The following PRELID3A variants were observed in gnomAD, a reference collection of about 807,000 sequenced individuals.
PRELID3A encodes the protein PRELI domain containing 3A, also known as PRELI domain containing protein 3A.
A neutral mutation model predicts 23.0 loss-of-function variants in PRELID3A; 27 were observed. The observed-to-expected ratio is 1.17, with a 90% CI of 0.87 to 1.62. PRELID3A has a LOEUF of 1.62. Ranked by LOEUF, PRELID3A falls within the 40% of genes most tolerant of loss-of-function variation. The pLI, the probability that PRELID3A is intolerant of heterozygous loss-of-function variation, is 0.00. For missense variants in PRELID3A, 231 were observed against 231.4 expected (o/e 1.00, Z 0.01); for synonymous variants, 87 against 86.4 (o/e 1.01, Z -0.04).
At chr18:12,428,482 T>C (rs1033288334) in intron 5 of PRELID3A, among the ~76,000 whole-genome samples, 3 of 152,186 alleles carry the variant, frequency 2.0e-5, no homozygotes, top group African/African-American at 4.8e-5. Flanking sequence ...GTCTTCATTT[T>C]TGAGATCAGT....
At chr18:12,409,172 T>TG (rs1555675955) in intron 1 of PRELID3A, among the ~76,000 whole-genome samples, 2 of 137,712 alleles carry the variant, frequency 1.5e-5, no homozygotes, top group Admixed American at 1.5e-4. Flanking sequence ...TTTTTTTTTT[T>TG]TTTTTTTTTT....
At chr18:12,427,395 T>A (rs1228063594) in intron 5 of PRELID3A, 72 bp downstream of exon 5, 3 of 1,188,078 alleles carry the variant, frequency 2.5e-6, no homozygotes, top group Non-Finnish European at 3.7e-6. Flanking sequence ...TATGACATTT[T>A]TAGTCTCATC....
intron 5 of PRELID3A, among the ~76,000 whole-genome samples, chr18:12,428,956 G>A (rs1469818093): frequency 2.0e-5 from 3 of 152,206 alleles, no homozygotes; most frequent in South Asian, 2.1e-4. Flanking sequence ...ACTAAGGTGG[G>A]GAGAGGTGTT....
intron 3 of PRELID3A, among the ~76,000 whole-genome samples, chr18:12,426,192 T>C (rs571990306): frequency 1.6e-4 from 24 of 151,288 alleles, no homozygotes; most frequent in Non-Finnish European, 2.8e-4. Flanking sequence ...TGAGCCAAGA[T>C]CATGCCCCTG....
At chr18:12,428,548 C>G (rs2030450550) in intron 5 of PRELID3A, among the ~76,000 whole-genome samples, 1 of 152,170 alleles carries the variant, frequency 6.6e-6, no homozygotes, top group Admixed American at 6.6e-5. Flanking sequence ...CTTAACTCTC[C>G]AACTAGTGGA....
intron 3 of PRELID3A, among the ~76,000 whole-genome samples, chr18:12,425,210 T>C (rs1290687181): frequency 6.6e-6 from 1 of 152,176 alleles, no homozygotes; most frequent in East Asian, 1.9e-4. Context: ...ATTTCAGGTG[T>C]GCATTAGCTG....
chr18:12,421,679 G>A, intron 3 of PRELID3A, 50 bp downstream of exon 3: 2 of 1,239,528 alleles, frequency 1.6e-6, no homozygotes, highest in Non-Finnish European at 2.4e-6. Context: ...CTGGGTGGTG[G>A]TGCGTAAGGC....
At chr18:12,426,121 C>A (rs2030353660) in intron 3 of PRELID3A, among the ~76,000 whole-genome samples, 1 of 151,624 alleles carries the variant, frequency 6.6e-6, no homozygotes, top group Non-Finnish European at 1.5e-5. Flanking sequence ...TGCCTGTAAT[C>A]CCAGCTACTC....
intron 1 of PRELID3A, among the ~76,000 whole-genome samples, chr18:12,415,940 C>G (rs2029937151): frequency 6.6e-6 from 1 of 152,194 alleles, no homozygotes. Context: ...AGGCCTCTTG[C>G]CCTTGGGGGA....
At chr18:12,424,968 C>A (rs1033021242) in intron 3 of PRELID3A, among the ~76,000 whole-genome samples, 8 of 152,194 alleles carry the variant, frequency 5.3e-5, no homozygotes, top group Middle Eastern at 3.4e-3. Flanking sequence ...CATGGCAAAA[C>A]CCCATCTCTA....
chr18:12,419,673 C>G (rs976376273), intron 1 of PRELID3A, among the ~76,000 whole-genome samples: 3 of 151,848 alleles, frequency 2.0e-5, no homozygotes, highest in Non-Finnish European at 4.4e-5. Flanking sequence ...GGCGTGGTGG[C>G]TCACGCCTGT....
Position 12,431,930 on chromosome 18 carries a change from T to C in PRELID3A, c.*814T>C, listed in dbSNP as rs2030625244. Reference sequence around the variant, plus strand: ...CCCTCATAGTATCCAAGGTTTGAGTTCCTGTTTTTCGCCTTATAGTTTTGT... The same window carrying C: ...CCCTCATAGTATCCAAGGTTTGAGTCCCTGTTTTTCGCCTTATAGTTTTGT... On this transcript the variant is annotated 3_prime_UTR_variant, in exon 7 of 7. Coordinates refer to ENST00000440960, the MANE Select transcript of PRELID3A (RefSeq NM_001142405.2). 3 of 152,214 alleles carry C rather than the reference T, an allele frequency of 2.0e-5. No homozygotes were observed. In the South Asian group the frequency reaches 6.2e-4, roughly 32 times the overall value. 9.4% of individuals were successfully genotyped at this position (152,214 alleles called of 1,614,324 possible).
chr18:12,420,350 G>A lies in PRELID3A; in HGVS notation c.58G>A (p.Ala20Thr). 6.2e-7 allele frequency: 1 copy of A among 1,610,998 alleles called. No individual in the cohort carries two copies. The highest frequency in any genetic ancestry group is 8.5e-7 in the Non-Finnish European group (1 of 1,179,108). Reference protein sequence around the residue: ...FGHPWDTVIQAAMRKYPNPMN... With the variant: ...FGHPWDTVIQTAMRKYPNPMN... ...CCACCCGTGGGACACGGTCATCCAGGCGGCCATGCGCAAGTACCCGAACCC... is the reference window on the plus strand; with the variant it reads ...CCACCCGTGGGACACGGTCATCCAGACGGCCATGCGCAAGTACCCGAACCC... Residue 20 changes from alanine (A) to threonine (T), a missense_variant, in exon 2 of 7, where the codon GCG becomes ACG. Physicochemically the swap from Ala to Thr is moderately conservative, Grantham distance 58. Transcript: ENST00000440960.
At position 12,421,583 on chromosome 18, in the gene PRELID3A, CTG is replaced by C; in HGVS notation, c.248_249del (p.Val83GlyfsTer24). 3 of 1,613,858 alleles carry C rather than the reference CTG, an allele frequency of 1.9e-6. No homozygotes were observed. The highest frequency in any genetic ancestry group is 2.5e-6 in the Non-Finnish European group (3 of 1,179,816). On this transcript the variant is annotated frameshift_variant, in exon 3 of 7. Coordinates refer to ENST00000440960, the MANE Select transcript of PRELID3A (RefSeq NM_001142405.2). LOFTEE classifies it high-confidence loss of function. ...ACATTGACATACATCCGAGAACATT[CTG>C]TGGTGGATCCAGTGGAAAAGAAAAT... is the stretch of plus-strand genomic sequence containing the variant.
At chr18:12,408,231 C>T (rs12970964) in intron 1 of PRELID3A, among the ~76,000 whole-genome samples, 50,961 of 151,686 alleles carry the variant, frequency 0.34, 10,529 homozygotes, top group Middle Eastern at 0.55. Context: ...TACGGCCTCT[C>T]CCCCGGCGTG....
chr18:12,409,323 C>A (rs1444776811), intron 1 of PRELID3A, among the ~76,000 whole-genome samples: 1 of 151,724 alleles, frequency 6.6e-6, no homozygotes, highest in Non-Finnish European at 1.5e-5. Context: ...TGGGCCATCA[C>A]GCCCGGCTAA....
chr18:12,426,100 A>C (rs187198435), intron 3 of PRELID3A, among the ~76,000 whole-genome samples: 2 of 150,136 alleles, frequency 1.3e-5, no homozygotes, highest in African/African-American at 2.5e-5. Context: ...TTAGCCAGGC[A>C]TGGTGGCACA....
Position 12,420,417 on chromosome 18 carries a change from G to A in PRELID3A, c.125G>A (p.Arg42His), listed in dbSNP as rs866573521. The A allele has an allele frequency of 1.3e-6, 2 of 1,599,688 alleles. No individual in the cohort carries two copies. Among genetic ancestry groups the A allele is most frequent in the East Asian group, 2.3e-5 (1 of 44,194 alleles). ...SVLGVDVLQR[R>H]VDGRGRLHSL... ...CTGGGCGTGGATGTGCTACAGCGCC[G>A]CGTGGACGGCCGCGGCCGCCTGCAC... Residue 42 changes from arginine to histidine, a missense_variant, in exon 2 of 7, where the codon CGC becomes CAC. By Grantham distance (29) the Arg-to-His change is conservative (BLOSUM62 0). Coordinates refer to ENST00000440960, the MANE Select transcript of PRELID3A (RefSeq NM_001142405.2).
chr18:12,424,113 G>A (rs117147022), intron 3 of PRELID3A, among the ~76,000 whole-genome samples: 153 of 152,330 alleles, frequency 1.0e-3, no homozygotes, highest in Non-Finnish European at 1.7e-3. Flanking sequence ...GTCCCAGGCT[G>A]CACAAAGTCA....
Sources: gnomAD v4.1 joint callset for allele counts (sites outside exome capture counted in the v4.1 genomes callset) on GRCh38, gnomAD v4.1.1 for gene constraint, MANE v1.5 for transcripts, NCBI Gene and HGNC (gene_info 2026-07-23, HGNC 2026-07-21) for gene names.